The following PAMR1 variants were observed in gnomAD, a reference collection of about 807,000 sequenced individuals.
The protein encoded by PAMR1 is inactive serine protease PAMR1.
Under a neutral mutation model 81.8 loss-of-function variants are expected in PAMR1, and 88 were observed. The ratio of observed to expected loss-of-function variants is 1.08; its 90% CI spans 0.91 to 1.28. PAMR1 has a LOEUF of 1.28. Ranked by LOEUF, PAMR1 falls within the 50% of genes most tolerant of loss-of-function variation. The pLI, the probability that PAMR1 is intolerant of heterozygous loss-of-function variation, is 0.00. For missense variants in PAMR1, 935 were observed against 919.7 expected, an observed-to-expected ratio of 1.02 and a Z score of -0.21; for synonymous variants, 336 against 345.3, an observed-to-expected ratio of 0.97 and a Z score of 0.30.
chr11:35,498,232 C>T (rs1850763558), intron 1 of PAMR1, among the ~76,000 whole-genome samples: 2 of 151,994 alleles, frequency 1.3e-5, no homozygotes, highest in Non-Finnish European at 2.9e-5. Flanking sequence ...TATATATTAC[C>T]ACAATTTTTT....
chr11:35,468,150 G>A, intron 5 of PAMR1, 42 bp from the exon 6 acceptor site: 1 of 1,261,330 alleles, frequency 7.9e-7, no homozygotes, highest in South Asian at 1.3e-5. Flanking sequence ...TATACATTGA[G>A]TCGATGTCTT....
At chr11:35,478,968 C>T (rs187716466) in intron 3 of PAMR1, among the ~76,000 whole-genome samples, 10 of 152,164 alleles carry the variant, frequency 6.6e-5, no homozygotes, top group Admixed American at 5.9e-4. Context: ...ACAGGAGGGG[C>T]GGCTGGATAG....
intron 1 of PAMR1, among the ~76,000 whole-genome samples, chr11:35,521,910 G>T (rs1349245926): frequency 2.6e-5 from 4 of 151,158 alleles, no homozygotes; most frequent in Admixed American, 6.6e-5. Flanking sequence ...ATCGTTTTTT[G>T]TTTGGTTTTT....
chr11:35,521,954 A>C (rs143322112), intron 1 of PAMR1, among the ~76,000 whole-genome samples: 2 of 151,262 alleles, frequency 1.3e-5, no homozygotes, highest in Admixed American at 6.6e-5. Context: ...ACAGAGTCTC[A>C]CTCTGTCGCC....
chr11:35,506,354 GT>G (rs772074946), intron 1 of PAMR1, among the ~76,000 whole-genome samples: 1 of 150,490 alleles, frequency 6.6e-6, no homozygotes, highest in Non-Finnish European at 1.5e-5. Flanking sequence ...GGTTATCTGT[GT>G]ATTTAATTTT....
intron 1 of PAMR1, among the ~76,000 whole-genome samples, chr11:35,499,573 C>T (rs1850792226): frequency 6.6e-6 from 1 of 152,238 alleles, no homozygotes; most frequent in Admixed American, 6.5e-5. Flanking sequence ...CACCTCCGGC[C>T]TGTCACATGC....
At position 35,432,307 on chromosome 11, in the gene PAMR1, G is replaced by A. The variant is rs377689246; in HGVS notation, c.*49C>T. 3.3e-5 allele frequency: 51 copies of A among 1,523,852 alleles called. 1 individual carries two copies. The Admixed American group carries it at 5.6e-4, about 17-fold the overall frequency. The allele number at this position is 1,523,852 out of a possible 1,614,324, so 94.4% of individuals were successfully genotyped here. On this transcript the variant is annotated 3_prime_UTR_variant, in exon 11 of 11. Transcript: ENST00000619888. ...CACACTGCTTCACGCAATGACACAC[G>A]TACAGACGGATATACAGAAACACTT...
intron 1 of PAMR1, among the ~76,000 whole-genome samples, chr11:35,495,513 T>G (rs1210978270): frequency 6.6e-6 from 1 of 152,194 alleles, no homozygotes; most frequent in Non-Finnish European, 1.5e-5. Flanking sequence ...GATTTCCTCT[T>G]CTTTTTCCCC....
chr11:35,487,927 C>A (rs1169489793), intron 3 of PAMR1, among the ~76,000 whole-genome samples: 3 of 152,196 alleles, frequency 2.0e-5, no homozygotes, highest in African/African-American at 7.2e-5. Flanking sequence ...ACATAAAGTG[C>A]TCAGCACAGT....
At chr11:35,466,107 G>A (rs1856751449) in intron 6 of PAMR1, among the ~76,000 whole-genome samples, 1 of 150,622 alleles carries the variant, frequency 6.6e-6, no homozygotes, top group African/African-American at 2.5e-5. Flanking sequence ...TGTGTAATTC[G>A]TTCATCAAGA....
Position 35,492,142 on chromosome 11 carries a change from G to A in PAMR1, c.282C>T (p.Cys94=). Residue 94 remains cysteine, a synonymous_variant, in exon 3 of 11, where the codon TGC becomes TGT. Coordinates refer to ENST00000619888, the MANE Select transcript of PAMR1 (RefSeq NM_001001991.3). ...AGGTACCCCCCCATGAGCCATTTCG[G>A]CAGCTCTTGCAGTTTTCAAAGATGG... ...GCTIFENCKS[C]RNGSWGGTLD... The A allele has an allele frequency of 6.2e-7, 1 of 1,614,062 alleles. No individual in the cohort carries two copies.
At chr11:35,483,453 G>T (rs1324068146) in intron 3 of PAMR1, among the ~76,000 whole-genome samples, 1 of 152,088 alleles carries the variant, frequency 6.6e-6, no homozygotes, top group Non-Finnish European at 1.5e-5. Flanking sequence ...ATACTTGGTG[G>T]AGAGGATTGT....
intron 6 of PAMR1, among the ~76,000 whole-genome samples, chr11:35,459,802 T>C (rs1418897880): frequency 1.3e-5 from 2 of 152,158 alleles, no homozygotes; most frequent in African/African-American, 2.4e-5. Flanking sequence ...AGGGCTAAGA[T>C]TGGAATTGTT....
intron 3 of PAMR1, among the ~76,000 whole-genome samples, chr11:35,479,226 C>T (rs558973144): frequency 6.6e-5 from 10 of 152,240 alleles, no homozygotes; most frequent in Non-Finnish European, 1.3e-4. Context: ...CAGAGAGAGG[C>T]ATTTGCATTT....
chr11:35,452,998 A>G (rs941657132), intron 6 of PAMR1, among the ~76,000 whole-genome samples: 3 of 152,178 alleles, frequency 2.0e-5, no homozygotes, highest in Non-Finnish European at 4.4e-5. Context: ...GTGTTCAATA[A>G]ATATTTGTTG....
intron 4 of PAMR1, 56 bp downstream of exon 4, chr11:35,474,573 TC>T: frequency 1.0e-6 from 1 of 987,162 alleles, no homozygotes; most frequent in East Asian, 2.5e-5. Flanking sequence ...GAGCCTTCCA[TC>T]CCATTTCTGT....
chr11:35,505,781 T>C (rs569096182), intron 1 of PAMR1, among the ~76,000 whole-genome samples: 172 of 152,260 alleles, frequency 1.1e-3, no homozygotes, highest in African/African-American at 3.8e-3. Context: ...AGCATATAAT[T>C]GAGTCTTGTT....
intron 6 of PAMR1, among the ~76,000 whole-genome samples, chr11:35,460,084 G>A (rs1220316668): frequency 6.6e-6 from 1 of 152,220 alleles, no homozygotes; most frequent in African/African-American, 2.4e-5. Flanking sequence ...ATTTTGCAAA[G>A]AGGAAGCTTT....
chr11:35,479,433 T>TA (rs1850342394), intron 3 of PAMR1, among the ~76,000 whole-genome samples: 1 of 152,236 alleles, frequency 6.6e-6, no homozygotes, highest in Non-Finnish European at 1.5e-5. Flanking sequence ...TGAGATATTG[T>TA]ATGTAAAGCA....
Sources: gnomAD v4.1 joint callset for allele counts (sites outside exome capture counted in the v4.1 genomes callset) on GRCh38, gnomAD v4.1.1 for gene constraint, MANE v1.5 for transcripts, NCBI Gene and HGNC (gene_info 2026-07-23, HGNC 2026-07-21) for gene names.